The following GSK3B variants were observed in gnomAD, a reference collection of about 807,000 sequenced individuals.
GSK3B encodes glycogen synthase kinase-3 beta.
Under a neutral mutation model 56.4 loss-of-function variants are expected in GSK3B, and 15 were observed. That is an observed-to-expected ratio of 0.27 (90% CI 0.18 to 0.41). The LOEUF (loss-of-function observed/expected upper bound fraction) is 0.41, where lower values mean the gene tolerates loss of function less well. GSK3B is among the 10% of genes least tolerant of loss of function. The pLI is 1.00. For synonymous variants in GSK3B, 181 were observed against 188.9 expected, an observed-to-expected ratio of 0.96 and a Z score of 0.34; for missense variants, 300 against 513.4, an observed-to-expected ratio of 0.58 and a Z score of 4.02.
chr3:119,953,067 G>C (rs2057174046), intron 2 of GSK3B, among the ~76,000 whole-genome samples: 2 of 152,018 alleles, frequency 1.3e-5, no homozygotes, highest in African/African-American at 2.4e-5. Flanking sequence ...CAAAAAGGAG[G>C]GGGAGAAAAC....
chr3:119,853,800 T>A (rs997211044), intron 9 of GSK3B, among the ~76,000 whole-genome samples: 2 of 152,236 alleles, frequency 1.3e-5, no homozygotes, highest in Non-Finnish European at 2.9e-5. Flanking sequence ...AAATTGCTTA[T>A]CAGCTTAAGG....
chr3:120,082,568 G>T (rs1020786464), intron 1 of GSK3B, among the ~76,000 whole-genome samples: 5 of 151,574 alleles, frequency 3.3e-5, no homozygotes, highest in African/African-American at 9.7e-5. Flanking sequence ...GCTAATTTTC[G>T]TATTTTTAGT....
chr3:120,053,512 A>G (rs541955052), intron 1 of GSK3B, among the ~76,000 whole-genome samples: 2 of 152,348 alleles, frequency 1.3e-5, no homozygotes, highest in East Asian at 3.9e-4. Flanking sequence ...AATAGGGACT[A>G]CTATTGCTAG....
chr3:119,870,445 T>TAA, intron 8 of GSK3B, among the ~76,000 whole-genome samples: 1 of 152,344 alleles, frequency 6.6e-6, no homozygotes, highest in Non-Finnish European at 1.5e-5. Flanking sequence ...TTTTGTCTTC[T>TAA]TTTCAAATCC....
chr3:119,898,098 C>T (rs866992675), intron 7 of GSK3B, among the ~76,000 whole-genome samples: 2 of 152,156 alleles, frequency 1.3e-5, no homozygotes, highest in African/African-American at 4.8e-5. Flanking sequence ...GCCTAGACTA[C>T]CCTTAAATGT....
chr3:119,902,645 C>T (rs1413955907), intron 7 of GSK3B, among the ~76,000 whole-genome samples: 1 of 152,162 alleles, frequency 6.6e-6, no homozygotes, highest in Non-Finnish European at 1.5e-5. Context: ...GATCTGCGCA[C>T]CTCGGCCTCC....
chr3:119,940,130 GTGTA>G (rs2057033916), intron 3 of GSK3B, among the ~76,000 whole-genome samples: 2 of 145,754 alleles, frequency 1.4e-5, no homozygotes, highest in Admixed American at 1.4e-4. Context: ...GTGTGTGTGT[GTGTA>G]TACACATGGT....
chr3:120,083,658 T>A (rs1266416174), intron 1 of GSK3B, among the ~76,000 whole-genome samples: 1 of 152,202 alleles, frequency 6.6e-6, no homozygotes. Context: ...TACTTAGGTA[T>A]ATACCCCAAA....
At chr3:120,093,259 G>T in intron 1 of GSK3B, 88 bp downstream of exon 1, 1 of 866,544 alleles carries the variant, frequency 1.2e-6, no homozygotes, top group South Asian at 1.4e-5. Context: ...TTTATCAGGA[G>T]GTCTAATAAT....
chr3:119,982,713 A>G (rs536451942), intron 2 of GSK3B, among the ~76,000 whole-genome samples: 1 of 152,326 alleles, frequency 6.6e-6, no homozygotes, highest in South Asian at 2.1e-4. Flanking sequence ...GACTATGTGA[A>G]AAGACCAAAT....
chr3:119,870,218 G>A (rs1050728114), intron 8 of GSK3B, among the ~76,000 whole-genome samples: 2 of 152,104 alleles, frequency 1.3e-5, no homozygotes, highest in African/African-American at 4.8e-5. Context: ...CAGCCATGTG[G>A]AACACCTCTG....
At chr3:119,968,309 T>C (rs1248084086) in intron 2 of GSK3B, among the ~76,000 whole-genome samples, 1 of 152,060 alleles carries the variant, frequency 6.6e-6, no homozygotes, top group Non-Finnish European at 1.5e-5. Flanking sequence ...CTTCTTTACA[T>C]CACACAAAGA....
chr3:119,863,434 T>C lies in GSK3B; in HGVS notation c.1081A>G (p.Asn361Asp), dbSNP rs1452045897. ...TTGGAGTTACCTTGAGTGGTGAAGTTGAAGAGTGCAGGTGTGTCTCGCCCA... is the reference window on the plus strand; with the variant it reads ...TTGGAGTTACCTTGAGTGGTGAAGTCGAAGAGTGCAGGTGTGTCTCGCCCA... ...PNGRDTPALF[N>D]FTTQELSSNP... Residue 361 changes from asparagine to aspartate, a missense_variant, in exon 9 of 11, where the codon AAC becomes GAC. This residue lies in a region of GSK3B where 88 missense variants were observed against 92.7 expected (regional missense o/e 0.95). Transcript: ENST00000264235. 3.1e-6 allele frequency: 5 copies of C among 1,613,758 alleles called. No individual in the cohort carries two copies. The highest frequency in any genetic ancestry group is 4.2e-6 in the Non-Finnish European group (5 of 1,179,718).
chr3:119,984,321 TCAAAAG>T (rs2057493277), intron 2 of GSK3B, among the ~76,000 whole-genome samples: 1 of 147,520 alleles, frequency 6.8e-6, no homozygotes, highest in African/African-American at 2.5e-5. Context: ...GCAAACAAAT[TCAAAAG>T]CTAGCAAAAG....
At position 119,867,802 on chromosome 3, in the gene GSK3B, A is replaced by G. The variant is rs563128452; in HGVS notation, c.910-4197T>C. On this transcript the variant is annotated intron_variant, in intron 8 of 10. Transcript: ENST00000264235. ...AGTGGGGGAATTAAATATTTTTCAA[A>G]AATAAATAATCCGCGGATTACTTTT... Among the ~76,000 whole-genome samples, 3 of 152,320 alleles carry G rather than the reference A, an allele frequency of 2.0e-5. No individual in the cohort carries two copies. In the East Asian group the frequency reaches 5.8e-4, roughly 29 times the overall value.
At chr3:120,000,942 T>TTG (rs2057670617) in intron 2 of GSK3B, among the ~76,000 whole-genome samples, 1 of 136,934 alleles carries the variant, frequency 7.3e-6, no homozygotes, top group African/African-American at 2.8e-5. Flanking sequence ...TTTTTTTTTT[T>TTG]GAGACAGAGT....
At chr3:119,981,522 C>A (rs1378295867) in intron 2 of GSK3B, among the ~76,000 whole-genome samples, 1 of 152,246 alleles carries the variant, frequency 6.6e-6, no homozygotes, top group Non-Finnish European at 1.5e-5. Context: ...GGTCTTAGCA[C>A]CCGCTGACAA....
At chr3:119,842,429 G>A (rs2055785848) in intron 10 of GSK3B, among the ~76,000 whole-genome samples, 1 of 151,758 alleles carries the variant, frequency 6.6e-6, no homozygotes, top group South Asian at 2.1e-4. Context: ...TTAAATATAA[G>A]TATAAACTTA....
chr3:119,855,512 A>C (rs2056006960), intron 9 of GSK3B, among the ~76,000 whole-genome samples: 1 of 152,234 alleles, frequency 6.6e-6, no homozygotes, highest in Admixed American at 6.5e-5. Context: ...TCATGCTGCT[A>C]TAAAGACACA....
Sources: gnomAD v4.1 joint callset for allele counts (sites outside exome capture counted in the v4.1 genomes callset) on GRCh38, gnomAD v4.1.1 for gene constraint, gnomAD v4.1.1 regional missense constraint, MANE v1.5 for transcripts, NCBI Gene and HGNC (gene_info 2026-07-23, HGNC 2026-07-21) for gene names.